The following CACNB2 variants were observed in gnomAD, a reference collection of about 807,000 sequenced individuals.
The protein encoded by CACNB2 is voltage-dependent L-type calcium channel subunit beta-2.
In CACNB2, 42 loss-of-function variants were observed where a neutral mutation model predicts 73.3. The observed-to-expected ratio is 0.57, with a 90% confidence interval of 0.45 to 0.74. CACNB2 has a LOEUF of 0.74. Among genes scored for constraint, CACNB2 ranks in the 30% least tolerant of loss-of-function variants. The pLI is 0.00. For missense variants in CACNB2, 940 were observed against 853.0 expected (o/e 1.10, Z -1.27); for synonymous variants, 348 against 310.3 (o/e 1.12, Z -1.28).
At chr10:18,509,310 G>T (rs2050644872) in intron 6 of CACNB2, among the ~76,000 whole-genome samples, 1 of 152,154 alleles carries the variant, frequency 6.6e-6, no homozygotes, top group South Asian at 2.1e-4. Context: ...CCAGACCAAA[G>T]AATATAAGTA....
intron 10 of CACNB2, among the ~76,000 whole-genome samples, chr10:18,528,958 G>C (rs977133821): frequency 6.6e-6 from 1 of 152,070 alleles, no homozygotes; most frequent in East Asian, 1.9e-4. Flanking sequence ...TCCCACCTCA[G>C]CCTCCTGAGT....
At chr10:18,414,152 T>G (rs1589281223) in intron 3 of CACNB2, among the ~76,000 whole-genome samples, 1 of 152,296 alleles carries the variant, frequency 6.6e-6, no homozygotes, top group South Asian at 2.1e-4. Flanking sequence ...CCATGGCAGG[T>G]CAGGTTGCAT....
At chr10:18,289,963 T>G (rs1440228119) in intron 2 of CACNB2, among the ~76,000 whole-genome samples, 2 of 151,948 alleles carry the variant, frequency 1.3e-5, no homozygotes, top group African/African-American at 4.8e-5. Flanking sequence ...TGAAAGAGAC[T>G]GAAAGAAAAA....
At chr10:18,165,287 G>C (rs765179897) in intron 2 of CACNB2, among the ~76,000 whole-genome samples, 3 of 152,206 alleles carry the variant, frequency 2.0e-5, no homozygotes, top group Admixed American at 2.0e-4. Context: ...GGGATGGAAA[G>C]CGATGAGTTC....
intron 5 of CACNB2, among the ~76,000 whole-genome samples, chr10:18,504,134 G>T (rs1283216874): frequency 5.9e-5 from 9 of 152,176 alleles, no homozygotes; most frequent in South Asian, 2.1e-4. Context: ...TCTCCCAAAT[G>T]GGCTTGCCTA....
At chr10:18,433,871 ATTTTGTTGT>A (rs1416474007) in intron 3 of CACNB2, among the ~76,000 whole-genome samples, 4 of 124,872 alleles carry the variant, frequency 3.2e-5, no homozygotes. Flanking sequence ...CTTAAATCAG[ATTTTGTTGT>A]TGTTGTTGTT....
intron 2 of CACNB2, among the ~76,000 whole-genome samples, chr10:18,321,641 G>A (rs1256333326): frequency 1.3e-5 from 2 of 152,090 alleles, no homozygotes; most frequent in Admixed American, 1.3e-4. Flanking sequence ...AACATCTCAT[G>A]TACCCCACAA....
At chr10:18,454,757 C>T (rs984776388) in intron 3 of CACNB2, among the ~76,000 whole-genome samples, 1 of 152,132 alleles carries the variant, frequency 6.6e-6, no homozygotes, top group Non-Finnish European at 1.5e-5. Flanking sequence ...AGTGTGATAT[C>T]GATGGATACT....
At chr10:18,213,541 C>G (rs566572707) in intron 2 of CACNB2, among the ~76,000 whole-genome samples, 1 of 152,270 alleles carries the variant, frequency 6.6e-6, no homozygotes, top group East Asian at 1.9e-4. Flanking sequence ...AATCCTGTTT[C>G]TTGACTATTT....
chr10:18,419,826 C>T (rs1265712149), intron 3 of CACNB2, among the ~76,000 whole-genome samples: 1 of 152,140 alleles, frequency 6.6e-6, no homozygotes, highest in Non-Finnish European at 1.5e-5. Flanking sequence ...ATTACAAAAG[C>T]TTGTGATCAG....
chr10:18,205,042 T>C (rs2035033479), intron 2 of CACNB2, among the ~76,000 whole-genome samples: 1 of 151,286 alleles, frequency 6.6e-6, no homozygotes, highest in African/African-American at 2.4e-5. Context: ...CTCTAATGTT[T>C]ATACATTTGT....
intron 7 of CACNB2, 54 bp downstream of exon 7, chr10:18,514,423 C>T: frequency 6.2e-7 from 1 of 1,613,722 alleles, no homozygotes; most frequent in Non-Finnish European, 8.5e-7. Flanking sequence ...CACTGCGTCA[C>T]ATTTCTAGTC....
chr10:18,528,128 CTAAA>C (rs1483246517), intron 10 of CACNB2, among the ~76,000 whole-genome samples: 1 of 152,102 alleles, frequency 6.6e-6, no homozygotes, highest in African/African-American at 2.4e-5. Flanking sequence ...CATTATTATC[CTAAA>C]TATTCCTTAA....
intron 3 of CACNB2, among the ~76,000 whole-genome samples, chr10:18,462,728 ATATTTTTTACTTACGTATTTTATTTTT>A (rs1308324521): frequency 6.6e-6 from 1 of 151,420 alleles, no homozygotes; most frequent in African/African-American, 2.4e-5. Flanking sequence ...TTAGTATTTT[ATATTTTTTACTTACGTATTTTATTTTT>A]TATTTTTATT....
intron 6 of CACNB2, among the ~76,000 whole-genome samples, chr10:18,510,748 G>A (rs1053842188): frequency 6.6e-6 from 1 of 152,158 alleles, no homozygotes; most frequent in East Asian, 1.9e-4. Context: ...CATTTTAGGA[G>A]AGCCCTCAAA....
chr10:18,540,196 T>A lies in CACNB2; in HGVS notation c.*472T>A, dbSNP rs988758846. 5.4e-6 allele frequency: 1 copy of A among 185,872 alleles called. No individual in the cohort carries two copies. The highest frequency in any genetic ancestry group is 1.1e-5 in the Non-Finnish European group (1 of 88,324). 11.5% of individuals were successfully genotyped at this position (185,872 alleles called of 1,614,324 possible). A position where few individuals can be genotyped will look rare whatever the true frequency, so the allele number is the denominator to read the frequency against. ...GCTTGTACCTCTGGCTGACTAAATTTGGGGACAGATTCAGTCTTGCCTTAC... is the reference window on the plus strand; with the variant it reads ...GCTTGTACCTCTGGCTGACTAAATTAGGGGACAGATTCAGTCTTGCCTTAC... On this transcript the variant is annotated 3_prime_UTR_variant, in exon 14 of 14. Coordinates refer to ENST00000324631, the MANE Select transcript of CACNB2 (RefSeq NM_201596.3).
intron 2 of CACNB2, among the ~76,000 whole-genome samples, chr10:18,222,764 C>T (rs752338501): frequency 6.6e-6 from 1 of 152,118 alleles, no homozygotes; most frequent in South Asian, 2.1e-4. Flanking sequence ...TGGTAAAACC[C>T]TGTCTCTACT....
intron 2 of CACNB2, among the ~76,000 whole-genome samples, chr10:18,207,846 A>T (rs527464778): frequency 6.6e-6 from 1 of 152,306 alleles, no homozygotes; most frequent in South Asian, 2.1e-4. Context: ...TTGTCAATTT[A>T]AAAAATAGTT....
In CACNB2 at chr10:18,150,880, T is replaced by TTTTTTTTTTTTTTTTTTTTTTTTTTG; in HGVS notation, c.121-3_121-2insTTTTTTTTTTTTTTTTTTTTTTTTTG. 2 of 1,300,366 alleles carry TTTTTTTTTTTTTTTTTTTTTTTTTTG rather than the reference T, an allele frequency of 1.5e-6. No homozygotes were observed. Among genetic ancestry groups the TTTTTTTTTTTTTTTTTTTTTTTTTTG allele is most frequent in the Non-Finnish European group, 2.1e-6 (2 of 943,298 alleles). 80.6% of individuals were successfully genotyped at this position (1,300,366 alleles called of 1,614,324 possible). ...CTTTTTTTTTTTTTTTTTTTTTTTT[T>TTTTTTTTTTTTTTTTTTTTTTTTTTG]AGTCATATGGAAAAGGAGCCAGAAG... On this transcript the variant is annotated splice_polypyrimidine_tract_variant and splice_region_variant and intron_variant, in intron 1 of 13. Coordinates refer to ENST00000324631, the MANE Select transcript of CACNB2 (RefSeq NM_201596.3).
Sources: gnomAD v4.1 joint callset for allele counts (sites outside exome capture counted in the v4.1 genomes callset) on GRCh38, gnomAD v4.1.1 for gene constraint, MANE v1.5 for transcripts, NCBI Gene and HGNC (gene_info 2026-07-23, HGNC 2026-07-21) for gene names.